FRMPD4: variants seen among roughly 807,000 people sequenced by gnomAD.
FRMPD4 encodes FERM and PDZ domain containing 4, also known as FERM and PDZ domain-containing protein 4.
FRMPD4 carries 22 observed loss-of-function variants against 94.1 expected under a neutral mutation model. The observed-to-expected ratio is 0.23, with a 90% CI of 0.17 to 0.33. The LOEUF (loss-of-function observed/expected upper bound fraction) is 0.33, where lower values mean the gene tolerates loss of function less well. FRMPD4 is among the 10% of genes least tolerant of loss of function. FRMPD4 has a pLI of 1.00. For missense variants in FRMPD4, 1,111 were observed against 1,339.9 expected, an observed-to-expected ratio of 0.83 and a Z score of 2.67; for synonymous variants, 631 against 548.6, an observed-to-expected ratio of 1.15 and a Z score of -2.10.
At chrX:12,164,829 T>G (rs1337895579) in intron 1 of FRMPD4, among the ~76,000 whole-genome samples, 4 of 112,900 alleles carry the variant, frequency 3.5e-5, no homozygotes, top group Non-Finnish European at 7.5e-5. Flanking sequence ...ATGTGTTTTT[T>G]GGCTGCATAA....
chrX:12,192,082 G>A (rs1181943791), intron 1 of FRMPD4, among the ~76,000 whole-genome samples: 1 of 111,988 alleles, frequency 8.9e-6, no homozygotes, highest in African/African-American at 3.2e-5. Context: ...ACAATTAAAT[G>A]AGTATGTATT....
chrX:12,599,472 T>C (rs1296879581), intron 2 of FRMPD4, among the ~76,000 whole-genome samples: 1 of 111,765 alleles, frequency 8.9e-6, no homozygotes, highest in Non-Finnish European at 1.9e-5. Flanking sequence ...CAAGAGCACA[T>C]GTAAGAACTA....
intron 8 of FRMPD4, 84 bp downstream of exon 8, chrX:12,690,410 C>T (rs1389725535): frequency 3.7e-6 from 3 of 819,847 alleles, no homozygotes; most frequent in East Asian, 3.3e-5. Context: ...CCACTCTAAT[C>T]CTGTAAATGT....
At chrX:12,540,857 A>C (rs1349904152) in intron 2 of FRMPD4, among the ~76,000 whole-genome samples, 2 of 111,991 alleles carry the variant, frequency 1.8e-5, no homozygotes, top group African/African-American at 3.3e-5. Flanking sequence ...AGTCCTCGGC[A>C]AATGTAAAAA....
At chrX:12,397,217 A>C in intron 1 of FRMPD4, among the ~76,000 whole-genome samples, 1 of 111,207 alleles carries the variant, frequency 9.0e-6, no homozygotes, top group East Asian at 2.8e-4. Context: ...CTAAACCTGG[A>C]ATATCAAGAG....
At position 12,060,309 on chromosome X, in the gene FRMPD4, C is replaced by T. The variant is rs1373811314; in HGVS notation, c.95+182291C>T. Among the ~76,000 whole-genome samples, 23 of 103,426 alleles carry T rather than the reference C, an allele frequency of 2.2e-4. 1 individual carries two copies. Among genetic ancestry groups the T allele is most frequent in the Admixed American group, 2.0e-3 (19 of 9,435 alleles). 89.8% of individuals were successfully genotyped at this position (103,426 alleles called of 115,157 possible). On this transcript the variant is annotated intron_variant, in intron 3 of 18. Coordinates refer to the FRMPD4 transcript ENST00000640291. ...GATATTTTAATAATAGCTATTCAGA[C>T]TGGCAGGAGATGGTATCTCATTGTG...
At chrX:12,235,795 C>G (rs1487034613) in intron 1 of FRMPD4, among the ~76,000 whole-genome samples, 1 of 111,728 alleles carries the variant, frequency 9.0e-6, no homozygotes. Flanking sequence ...AGAAAGACAC[C>G]CAAATGCCAA....
chrX:12,282,219 T>G (rs1195929256), intron 1 of FRMPD4, among the ~76,000 whole-genome samples: 2 of 111,965 alleles, frequency 1.8e-5, no homozygotes, highest in Non-Finnish European at 3.8e-5. Context: ...CCCTCCAGGC[T>G]GCCTGCTGAA....
In FRMPD4 at chrX:12,014,250, C is replaced by T. The variant is rs183004272; in HGVS notation, c.95+136232C>T. Among the ~76,000 whole-genome samples, 522 of 111,836 alleles carry T rather than the reference C, an allele frequency of 4.7e-3. 3 individuals carry two copies. The highest frequency in any genetic ancestry group is 0.016 in the African/African-American group (501 of 30,792). On this transcript the variant is annotated intron_variant, in intron 3 of 18. Coordinates refer to the FRMPD4 transcript ENST00000640291. ...GAGCAGGAGCTACTTAAAGTCTATC[C>T]TCTGGTCTCTCTGCTCAAACAAGAG...
intron 2 of FRMPD4, among the ~76,000 whole-genome samples, chrX:12,592,396 G>C (rs1464529908): frequency 8.9e-6 from 1 of 111,915 alleles, no homozygotes; most frequent in Non-Finnish European, 1.9e-5. Context: ...AGGAATGTCA[G>C]CCATGACCCT....
intron 2 of FRMPD4, among the ~76,000 whole-genome samples, chrX:11,870,642 CTG>C (rs772021158): frequency 1.8e-5 from 2 of 111,527 alleles, no homozygotes; most frequent in Non-Finnish European, 3.8e-5. Context: ...ACTGCAAGAG[CTG>C]TGTCTCCGTT....
At chrX:12,106,940 G>T (rs2055304504) in intron 3 of FRMPD4, among the ~76,000 whole-genome samples, 2 of 112,135 alleles carry the variant, frequency 1.8e-5, no homozygotes, top group Admixed American at 9.4e-5. Context: ...GCTCAAGGAG[G>T]TCTGCCTGCC....
chrX:12,154,770 A>G (rs1280345532), intron 1 of FRMPD4, among the ~76,000 whole-genome samples: 1 of 112,825 alleles, frequency 8.9e-6, no homozygotes, highest in Non-Finnish European at 1.9e-5. Flanking sequence ...TCCTAGATAT[A>G]TGTGATTCCT....
chrX:12,720,449 C>G, intron 16 of FRMPD4, 85 bp from the exon 17 acceptor site: 1 of 987,906 alleles, frequency 1.0e-6, no homozygotes, highest in Non-Finnish European at 1.4e-6. Context: ...TGAGAAATGA[C>G]AGACATCATG....
intron 1 of FRMPD4, among the ~76,000 whole-genome samples, chrX:12,487,135 G>A (rs2057747618): frequency 8.9e-6 from 1 of 112,079 alleles, no homozygotes; most frequent in South Asian, 3.7e-4. Context: ...AGCTCTTAGA[G>A]ATTTTCTAAA....
chrX:12,639,924 A>G (rs997212679), intron 4 of FRMPD4, among the ~76,000 whole-genome samples: 2 of 111,768 alleles, frequency 1.8e-5, no homozygotes, highest in East Asian at 2.8e-4. Flanking sequence ...CATGAAAACC[A>G]TAACGCAATA....
intron 3 of FRMPD4, among the ~76,000 whole-genome samples, chrX:12,033,200 A>G (rs2054701831): frequency 9.0e-6 from 1 of 111,648 alleles, no homozygotes. Flanking sequence ...AAGAAAGTGT[A>G]TTATGGAAAT....
intron 3 of FRMPD4, among the ~76,000 whole-genome samples, chrX:12,059,777 A>G (rs1190677424): frequency 9.0e-6 from 1 of 111,603 alleles, no homozygotes; most frequent in African/African-American, 3.3e-5. Context: ...GTTGCTGCAA[A>G]GAACATGATT....
At chrX:12,645,575 G>A (rs769839825) in intron 4 of FRMPD4, among the ~76,000 whole-genome samples, 2 of 109,295 alleles carry the variant, frequency 1.8e-5, no homozygotes, top group African/African-American at 3.3e-5. Flanking sequence ...GGCTAGTCTC[G>A]AGCTTCCGAC....
Sources: gnomAD v4.1 joint callset for allele counts (sites outside exome capture counted in the v4.1 genomes callset) on GRCh38, gnomAD v4.1.1 for gene constraint, MANE v1.5 for transcripts, NCBI Gene and HGNC (gene_info 2026-07-23, HGNC 2026-07-21) for gene names.